Variants in LUZP2 observed in about 807,000 individuals in gnomAD.
LUZP2 encodes leucine zipper protein 2.
LUZP2 carries 52 observed loss-of-function variants against 51.6 expected under a neutral mutation model. The ratio of observed to expected loss-of-function variants is 1.01; its 90% CI spans 0.81 to 1.27. LUZP2 has a LOEUF of 1.27. LUZP2 is among the 50% of genes most tolerant of loss of function. The pLI is 0.00. For missense variants in LUZP2, 436 were observed against 395.4 expected, an observed-to-expected ratio of 1.10 and a Z score of -0.87; for synonymous variants, 154 against 137.3, an observed-to-expected ratio of 1.12 and a Z score of -0.85.
At chr11:25,078,483 G>A (rs1283174331) in intron 11 of LUZP2, 71 bp from the exon 12 acceptor site, 2 of 1,187,782 alleles carry the variant, frequency 1.7e-6, no homozygotes, top group Non-Finnish European at 2.4e-6. Flanking sequence ...TATTCTTTTA[G>A]ACTTTTCAAT....
intron 9 of LUZP2, among the ~76,000 whole-genome samples, chr11:25,028,041 T>A (rs947036358): frequency 1.3e-5 from 2 of 152,118 alleles, no homozygotes; most frequent in African/African-American, 4.8e-5. Context: ...ATCCCAGTTT[T>A]AACTTTTGAT....
At chr11:24,689,090 G>T (rs1409311274) in intron 1 of LUZP2, among the ~76,000 whole-genome samples, 3 of 152,128 alleles carry the variant, frequency 2.0e-5, no homozygotes, top group African/African-American at 7.2e-5. Context: ...GAAAGTTTAT[G>T]AAAACGTTTT....
chr11:24,821,855 A>G (rs1177549999), intron 5 of LUZP2, among the ~76,000 whole-genome samples: 1 of 149,724 alleles, frequency 6.7e-6, no homozygotes. Flanking sequence ...TGACAATGAC[A>G]TTATATGCCA....
chr11:24,689,589 T>A (rs1388193609), intron 1 of LUZP2, among the ~76,000 whole-genome samples: 3 of 152,138 alleles, frequency 2.0e-5, no homozygotes, highest in African/African-American at 2.4e-5. Context: ...GACCATCACT[T>A]GATAGTGGCC....
At chr11:24,607,241 A>G (rs1234753995) in intron 1 of LUZP2, among the ~76,000 whole-genome samples, 1 of 143,948 alleles carries the variant, frequency 6.9e-6, no homozygotes, top group African/African-American at 2.6e-5. Flanking sequence ...CTTTTCTCCT[A>G]TGTTTTCTTC....
At chr11:24,800,164 A>G (rs1340085708) in intron 5 of LUZP2, among the ~76,000 whole-genome samples, 2 of 151,840 alleles carry the variant, frequency 1.3e-5, no homozygotes, top group African/African-American at 4.8e-5. Flanking sequence ...AGAATATTTC[A>G]CTTTCCTTAT....
chr11:25,022,714 G>T (rs1189094145), intron 9 of LUZP2, among the ~76,000 whole-genome samples: 1 of 151,992 alleles, frequency 6.6e-6, no homozygotes, highest in East Asian at 1.9e-4. Context: ...ACTGGACAGA[G>T]GCTTACAGAT....
At chr11:24,537,286 G>T (rs1462441969) in intron 1 of LUZP2, among the ~76,000 whole-genome samples, 1 of 151,818 alleles carries the variant, frequency 6.6e-6, no homozygotes, top group Non-Finnish European at 1.5e-5. Context: ...TTTAAAAAAT[G>T]CAACACTTGT....
chr11:24,839,693 T>C (rs1185891746), intron 5 of LUZP2, among the ~76,000 whole-genome samples: 1 of 151,668 alleles, frequency 6.6e-6, no homozygotes, highest in Non-Finnish European at 1.5e-5. Flanking sequence ...AGAATATAGA[T>C]AACCATGAAA....
At chr11:25,005,228 A>G (rs1041140649) in intron 9 of LUZP2, among the ~76,000 whole-genome samples, 1 of 152,058 alleles carries the variant, frequency 6.6e-6, no homozygotes, top group Non-Finnish European at 1.5e-5. Context: ...GAGGCTTATC[A>G]TTAATAGGAG....
At chr11:24,921,374 G>A (rs1854048148) in intron 7 of LUZP2, among the ~76,000 whole-genome samples, 1 of 152,054 alleles carries the variant, frequency 6.6e-6, no homozygotes, top group Non-Finnish European at 1.5e-5. Context: ...TCCCACCTTA[G>A]TCCTTTAATA....
chr11:24,852,417 T>A (rs1447459201), intron 5 of LUZP2, among the ~76,000 whole-genome samples: 1 of 152,218 alleles, frequency 6.6e-6, no homozygotes, highest in East Asian at 1.9e-4. Flanking sequence ...TGTGCAGTTT[T>A]GAGTGAGTTT....
chr11:24,606,503 A>G (rs1280189222), intron 1 of LUZP2, among the ~76,000 whole-genome samples: 1 of 152,016 alleles, frequency 6.6e-6, no homozygotes, highest in Non-Finnish European at 1.5e-5. Context: ...AAACACAGAC[A>G]CTCACTATCA....
chr11:24,578,567 A>T (rs1590202445), intron 1 of LUZP2, among the ~76,000 whole-genome samples: 2 of 152,072 alleles, frequency 1.3e-5, no homozygotes, highest in African/African-American at 4.8e-5. Flanking sequence ...GGATTAAAAA[A>T]AAAAAAATGG....
intron 3 of LUZP2, among the ~76,000 whole-genome samples, chr11:24,733,088 A>G (rs1005638306): frequency 2.0e-5 from 3 of 151,772 alleles, no homozygotes; most frequent in African/African-American, 2.4e-5. Context: ...ATCAGCCTAT[A>G]TGTCCTCCAT....
intron 9 of LUZP2, among the ~76,000 whole-genome samples, chr11:25,030,180 T>C (rs1251452103): frequency 1.3e-5 from 2 of 152,218 alleles, no homozygotes; most frequent in African/African-American, 4.8e-5. Context: ...TTGATTATTC[T>C]GAATTTTATA....
At chr11:24,843,369 A>C (rs1207398520) in intron 5 of LUZP2, among the ~76,000 whole-genome samples, 1 of 152,106 alleles carries the variant, frequency 6.6e-6, no homozygotes, top group Non-Finnish European at 1.5e-5. Flanking sequence ...TTTTGGTGCA[A>C]CAATTTTAGC....
intron 1 of LUZP2, among the ~76,000 whole-genome samples, chr11:24,580,498 A>T (rs900968660): frequency 1.3e-5 from 2 of 152,116 alleles, no homozygotes; most frequent in African/African-American, 4.8e-5. Context: ...CATAGCGTCA[A>T]CCTAAATCTT....
At chr11:24,742,094 C>T (rs1341602929) in intron 4 of LUZP2, among the ~76,000 whole-genome samples, 4 of 128,112 alleles carry the variant, frequency 3.1e-5, no homozygotes, top group African/African-American at 1.4e-4. Context: ...TCTTTATCCA[C>T]TTGTTGATTG....
Sources: gnomAD v4.1 joint callset for allele counts (sites outside exome capture counted in the v4.1 genomes callset) on GRCh38, gnomAD v4.1.1 for gene constraint, MANE v1.5 for transcripts, NCBI Gene and HGNC (gene_info 2026-07-23, HGNC 2026-07-21) for gene names.